Variants in MTCL2 observed in about 807,000 individuals in gnomAD.
MTCL2 encodes microtubule crosslinking factor 2.
At chr20:36,823,218 A>G in the MTCL2 span, among the ~76,000 whole-genome samples, 3 of 152,220 alleles carry the variant, frequency 2.0e-5, no homozygotes, top group Non-Finnish European at 4.4e-5. Flanking sequence ...TGTTTTAAAC[A>G]TTGGCCCCAA....
chr20:36,855,368 C>T, the MTCL2 span, among the ~76,000 whole-genome samples: 1,801 of 152,334 alleles, frequency 0.012, 22 homozygotes, highest in African/African-American at 0.038. Flanking sequence ...CCCTGGACCT[C>T]GGAGAACAAA....
chr20:36,818,723 C>T, the MTCL2 span, among the ~76,000 whole-genome samples: 6 of 152,158 alleles, frequency 3.9e-5, no homozygotes, highest in Admixed American at 3.9e-4. Context: ...GAAATAAAAA[C>T]ACCTTAAGAA....
chr20:36,817,374 T>C, the MTCL2 span: 1 of 1,550,496 alleles, frequency 6.4e-7, no homozygotes, highest in Non-Finnish European at 8.7e-7. Context: ...GTCTTCAGAA[T>C]AAAACCTTCC....
chr20:36,807,863 GTCTT>G, the MTCL2 span, among the ~76,000 whole-genome samples: 274 of 101,970 alleles, frequency 2.7e-3, 4 homozygotes, highest in Middle Eastern at 6.1e-3. Flanking sequence ...GAGAAACCCT[GTCTT>G]TTTTTTTTTT....
the MTCL2 span, chr20:36,786,407 C>G: frequency 6.9e-7 from 1 of 1,439,686 alleles, no homozygotes; most frequent in Non-Finnish European, 9.1e-7. Flanking sequence ...CCCCTCGCCT[C>G]ACCTCGTCTC....
chr20:36,784,266 C>G, the MTCL2 span: 2 of 985,846 alleles, frequency 2.0e-6, no homozygotes, highest in Non-Finnish European at 2.4e-6. Context: ...GCGGAACTGG[C>G]CCACAGCTCC....
chr20:36,861,655 C>T, the MTCL2 span, among the ~76,000 whole-genome samples: 3 of 152,346 alleles, frequency 2.0e-5, no homozygotes, highest in South Asian at 2.1e-4. Context: ...TGACAAGAGT[C>T]GGCAACATTT....
At chr20:36,784,974 C>T in the MTCL2 span, 529 of 985,442 alleles carry the variant, frequency 5.4e-4, no homozygotes, top group African/African-American at 8.8e-3. Context: ...TAGTAATCCA[C>T]GTTCGACTCA....
At chr20:36,812,754 G>A in the MTCL2 span, 24 of 1,613,854 alleles carry the variant, frequency 1.5e-5, no homozygotes, top group Non-Finnish European at 1.8e-5. Context: ...CTGAAGCTCC[G>A]GCTGGGGTCG....
At chr20:36,843,495 A>C in the MTCL2 span, among the ~76,000 whole-genome samples, 1 of 150,106 alleles carries the variant, frequency 6.7e-6, no homozygotes, top group Non-Finnish European at 1.5e-5. Context: ...ACAGAACCAG[A>C]GTGGAGAGGA....
chr20:36,834,819 C>T, the MTCL2 span, among the ~76,000 whole-genome samples: 3 of 151,972 alleles, frequency 2.0e-5, no homozygotes, highest in South Asian at 6.2e-4. Flanking sequence ...CTGGCCAACA[C>T]AGAGAAACCC....
the MTCL2 span, among the ~76,000 whole-genome samples, chr20:36,845,026 AG>A: frequency 4.9e-5 from 6 of 122,236 alleles, no homozygotes; most frequent in Middle Eastern, 4.0e-3. Context: ...AAAAAAAAAA[AG>A]AAGAAGAAGA....
the MTCL2 span, chr20:36,793,488 A>T: frequency 6.4e-7 from 1 of 1,551,704 alleles, no homozygotes; most frequent in Non-Finnish European, 8.7e-7. This position sits in a 1 kb window ranked among gnomAD's most constrained non-coding sequence, Gnocchi z 6.8. Flanking sequence ...ACATTACGGA[A>T]GAATTCCTGC....
At chr20:36,863,009 C>T in the MTCL2 span, 1 of 1,399,672 alleles carries the variant, frequency 7.1e-7, no homozygotes, top group Non-Finnish European at 9.3e-7. This position sits in a 1 kb window ranked among gnomAD's most constrained non-coding sequence, Gnocchi z 6.2. Context: ...GGCTGGGGGG[C>T]GGCGGTGGCG....
the MTCL2 span, among the ~76,000 whole-genome samples, chr20:36,813,895 C>T: frequency 1.3e-5 from 2 of 152,058 alleles, no homozygotes; most frequent in Non-Finnish European, 2.9e-5. Context: ...TCCAGCTTCA[C>T]ATTGTCTCTT....
chr20:36,784,652 C>T, the MTCL2 span: 5 of 985,454 alleles, frequency 5.1e-6, no homozygotes, highest in African/African-American at 7.0e-5. Flanking sequence ...AAGGCGAGGC[C>T]ATGGGAGGCG....
the MTCL2 span, among the ~76,000 whole-genome samples, chr20:36,792,857 TAGACAGAC>T: frequency 0.032 from 4,466 of 137,558 alleles, 145 homozygotes; most frequent in African/African-American, 0.11. Context: ...GATAGATAGA[TAGACAGAC>T]AGACAGACAG....
the MTCL2 span, among the ~76,000 whole-genome samples, chr20:36,856,552 A>G: frequency 2.0e-5 from 3 of 152,184 alleles, no homozygotes; most frequent in African/African-American, 7.2e-5. Context: ...ACTCAGCCCC[A>G]CTGGCCCTGG....
the MTCL2 span, among the ~76,000 whole-genome samples, chr20:36,860,209 C>G: frequency 1.3e-5 from 2 of 152,152 alleles, no homozygotes; most frequent in African/African-American, 4.8e-5. Context: ...TCCAATTTCC[C>G]TTAGCCTGAA....
Sources: allele counts gnomAD v4.1 joint callset (sites outside exome capture counted in the v4.1 genomes callset), GRCh38; gene constraint gnomAD v4.1.1; non-coding constraint Gnocchi (gnomAD v3.1); transcripts MANE v1.5; gene names NCBI Gene and HGNC (gene_info 2026-07-23, HGNC 2026-07-21).